ATF2: variants seen among roughly 807,000 people sequenced by gnomAD.
The protein encoded by ATF2 is cyclic AMP-dependent transcription factor ATF-2.
Under a neutral mutation model 60.6 loss-of-function variants are expected in ATF2, and 24 were observed. The ratio of observed to expected loss-of-function variants is 0.40; its 90% CI spans 0.29 to 0.56. ATF2 has a LOEUF of 0.56. ATF2 is among the 20% of genes least tolerant of loss of function. The probability of loss-of-function intolerance (pLI) is 0.54; values close to 1 mark genes in which losing one functional copy is unlikely to be tolerated. For missense variants in ATF2, 433 were observed against 607.7 expected (o/e 0.71, Z 3.02); for synonymous variants, 206 against 215.4 (o/e 0.96, Z 0.38).
intron 9 of ATF2, among the ~76,000 whole-genome samples, chr2:175,112,874 T>C (rs1696295281): frequency 6.6e-6 from 1 of 152,188 alleles, no homozygotes; most frequent in African/African-American, 2.4e-5. Flanking sequence ...CATGAGCCAC[T>C]GCACTTGGCC....
rs1559037208 is a variant in ATF2, at chr2:175,072,575, C to CATA, written c.*2031_*2033dup. The CATA allele has an allele frequency of 6.6e-6, 1 of 152,002 alleles. No individual in the cohort carries two copies. The highest frequency in any genetic ancestry group is 1.5e-5 in the Non-Finnish European group (1 of 67,990). The allele number at this position is 152,002 out of a possible 1,614,324, so 9.4% of individuals were successfully genotyped here. A position where few individuals can be genotyped will look rare whatever the true frequency, so the allele number is the denominator to read the frequency against. On this transcript the variant is annotated 3_prime_UTR_variant, in exon 14 of 14. Coordinates refer to ENST00000264110, the MANE Select transcript of ATF2 (RefSeq NM_001880.4). ...TCTGTTACCAAAGAACCTTAACTTG[C>CATA]ATAAGTAATAAGATGAAAGAAAAAT...
rs187806433 is a variant in ATF2 at position 175,095,183 on chromosome 2, C to T, written c.979-1916G>A. 9.5e-4 allele frequency among the ~76,000 whole-genome samples: 145 copies of T among 151,898 alleles called. 1 individual carries two copies. The East Asian group carries it at 0.018, about 19-fold the overall frequency. Reference sequence around the variant, plus strand: ...CGTGATCTTGGCTCACTACAACTTCCGCCTCCTGGGTTCCAAGTGATTCTC... The same window carrying T: ...CGTGATCTTGGCTCACTACAACTTCTGCCTCCTGGGTTCCAAGTGATTCTC... On this transcript the variant is annotated intron_variant, in intron 11 of 13. Transcript: ENST00000264110.
chr2:175,103,846 G>A (rs2105635973), intron 10 of ATF2, among the ~76,000 whole-genome samples: 2 of 152,062 alleles, frequency 1.3e-5, no homozygotes, highest in East Asian at 3.9e-4. Flanking sequence ...CGGGCTTAAC[G>A]ACAAACAAAA....
intron 10 of ATF2, among the ~76,000 whole-genome samples, chr2:175,098,776 C>A (rs1174867807): frequency 6.6e-6 from 1 of 152,156 alleles, no homozygotes; most frequent in African/African-American, 2.4e-5. Context: ...TTCACTTCAA[C>A]TAAGAACAAT....
chr2:175,074,731 T>A lies in ATF2; in HGVS notation c.1396A>T (p.Thr466Ser). Residue 466 changes from threonine to serine, a missense_variant, in exon 14 of 14, where the codon ACC becomes TCC. By Grantham distance (58) the Thr-to-Ser change is moderately conservative (BLOSUM62 1). Transcript: ENST00000264110. Reference sequence around the variant, plus strand: ...GTGGCTACAGCTTCTGCCTTGGAGGTTGAACTGACTCCATTGGATGTGCTG... The same window carrying A: ...GTGGCTACAGCTTCTGCCTTGGAGGATGAACTGACTCCATTGGATGTGCTG... ...SVSTSNGVSSTSKAEAVATSV... is the reference protein window; with the variant it reads ...SVSTSNGVSSSSKAEAVATSV... The A allele has an allele frequency of 6.2e-7, 1 of 1,613,472 alleles. No homozygotes were observed. Among genetic ancestry groups the A allele is most frequent in the Non-Finnish European group, 8.5e-7 (1 of 1,179,706 alleles).
At chr2:175,105,294 A>G (rs1224831475) in intron 10 of ATF2, among the ~76,000 whole-genome samples, 1 of 147,002 alleles carries the variant, frequency 6.8e-6, no homozygotes, top group Non-Finnish European at 1.5e-5. Context: ...AGTCACCATC[A>G]AGGGCATTAA....
At chr2:175,124,167 G>A (rs1053577502) in intron 4 of ATF2, among the ~76,000 whole-genome samples, 8 of 151,452 alleles carry the variant, frequency 5.3e-5, no homozygotes, top group Non-Finnish European at 1.0e-4. Flanking sequence ...TATTCTTCCA[G>A]GCATTTCAAA....
At chr2:175,125,752 A>G (rs1697286343) in intron 4 of ATF2, among the ~76,000 whole-genome samples, 3 of 152,142 alleles carry the variant, frequency 2.0e-5, no homozygotes, top group Non-Finnish European at 2.9e-5. Flanking sequence ...TTAATACACA[A>G]AATGCTGATA....
chr2:175,121,921 T>C (rs1696981233), intron 4 of ATF2, among the ~76,000 whole-genome samples: 1 of 151,890 alleles, frequency 6.6e-6, no homozygotes, highest in South Asian at 2.1e-4. Flanking sequence ...GAAAGTACTG[T>C]AGTATTAATA....
intron 13 of ATF2, among the ~76,000 whole-genome samples, chr2:175,076,805 T>G (rs747274773): frequency 6.6e-6 from 1 of 152,094 alleles, no homozygotes; most frequent in Non-Finnish European, 1.5e-5. Context: ...TATCACTTTT[T>G]AAAAATTATA....
intron 10 of ATF2, among the ~76,000 whole-genome samples, chr2:175,103,174 G>A (rs1336079008): frequency 6.6e-6 from 1 of 152,122 alleles, no homozygotes; most frequent in African/African-American, 2.4e-5. Flanking sequence ...AAAAGATAAT[G>A]TTCTCTAGAA....
At chr2:175,078,874 C>CA (rs1693559548) in intron 13 of ATF2, among the ~76,000 whole-genome samples, 2 of 152,084 alleles carry the variant, frequency 1.3e-5, no homozygotes, top group Non-Finnish European at 2.9e-5. Flanking sequence ...CTGAAAATTT[C>CA]TACAAAATCC....
intron 5 of ATF2, 30 bp downstream of exon 5, chr2:175,121,414 T>C (rs750112773): frequency 1.3e-6 from 2 of 1,482,518 alleles, no homozygotes; most frequent in Admixed American, 2.0e-5. Flanking sequence ...GAAATATGTA[T>C]ACAAGCTATT....
At chr2:175,134,293 C>T (rs913204741) in intron 3 of ATF2, among the ~76,000 whole-genome samples, 8 of 152,034 alleles carry the variant, frequency 5.3e-5, no homozygotes, top group East Asian at 3.8e-4. Flanking sequence ...AAATATTACA[C>T]GATTTTATAT....
rs528034061 is a variant in ATF2 at position 175,104,797 on chromosome 2, C to T, written c.828+6771G>A. ...AACTTAAATTTCAAATAAACTATACCTATTTGGTATTTTACGTTCTACAAG... is the reference window on the plus strand; with the variant it reads ...AACTTAAATTTCAAATAAACTATACTTATTTGGTATTTTACGTTCTACAAG... On this transcript the variant is annotated intron_variant, in intron 10 of 13. Transcript: ENST00000264110. 2.5e-3 allele frequency among the ~76,000 whole-genome samples: 371 copies of T among 148,686 alleles called. 5 individuals are homozygous for T. The highest frequency in any genetic ancestry group is 1.6e-3 in the Non-Finnish European group (105 of 67,542).
At chr2:175,103,387 T>A (rs1005685464) in intron 10 of ATF2, among the ~76,000 whole-genome samples, 1 of 152,170 alleles carries the variant, frequency 6.6e-6, no homozygotes, top group Non-Finnish European at 1.5e-5. Flanking sequence ...TCAGTCCTCA[T>A]GAAATCTTGT....
intron 1 of ATF2, among the ~76,000 whole-genome samples, chr2:175,164,052 A>G (rs980210653): frequency 2.7e-5 from 4 of 149,780 alleles, no homozygotes. Flanking sequence ...ATACACCTGT[A>G]ACACAATGTG....
At chr2:175,153,818 C>T (rs1376273210) in intron 1 of ATF2, among the ~76,000 whole-genome samples, 54 of 116,816 alleles carry the variant, frequency 4.6e-4, no homozygotes, top group Middle Eastern at 5.5e-3. Flanking sequence ...GGCGACAGAG[C>T]GAGACTCTGC....
chr2:175,167,879 G>A, intron 1 of ATF2, 171 bp downstream of exon 1: 3 of 392,656 alleles, frequency 7.6e-6, no homozygotes, highest in Non-Finnish European at 1.6e-5. Context: ...GGCCGCCGAG[G>A]TGGCAGCACA....
Sources: allele counts gnomAD v4.1 joint callset (sites outside exome capture counted in the v4.1 genomes callset), GRCh38; gene constraint gnomAD v4.1.1; transcripts MANE v1.5; gene names NCBI Gene and HGNC (gene_info 2026-07-23, HGNC 2026-07-21).